The following CGNL1 variants were observed in gnomAD, a reference collection of about 807,000 sequenced individuals.
CGNL1 encodes cingulin-like protein 1.
Under a neutral mutation model 141.2 loss-of-function variants are expected in CGNL1, and 132 were observed. The observed-to-expected ratio is 0.93, with a 90% confidence interval of 0.81 to 1.08. The LOEUF (loss-of-function observed/expected upper bound fraction) is 1.08. Ranked by LOEUF, CGNL1 falls within the 50% of genes least tolerant of loss-of-function variation. CGNL1 has a pLI of 0.00. For missense variants in CGNL1, 1,870 were observed against 1,588.6 expected (o/e 1.18, Z -3.01); for synonymous variants, 690 against 622.1 (o/e 1.11, Z -1.63).
chr15:57,408,767 G>A (rs1217580178), intron 1 of CGNL1, among the ~76,000 whole-genome samples: 3 of 152,090 alleles, frequency 2.0e-5, no homozygotes, highest in African/African-American at 7.2e-5. Flanking sequence ...CAGACACAGT[G>A]GCTCATGCCT....
chr15:57,497,705 C>A (rs1413215698), intron 8 of CGNL1, among the ~76,000 whole-genome samples: 2 of 152,186 alleles, frequency 1.3e-5, no homozygotes, highest in Non-Finnish European at 2.9e-5. Context: ...AGGGGCAGGC[C>A]CTGCGGAATC....
chr15:57,512,004 G>A (rs770312757), intron 8 of CGNL1, among the ~76,000 whole-genome samples: 1 of 152,146 alleles, frequency 6.6e-6, no homozygotes, highest in Non-Finnish European at 1.5e-5. Context: ...GAAACATAAT[G>A]CCAGCAACTT....
Position 57,440,386 on chromosome 15 carries a change from G to A in CGNL1, c.1612G>A (p.Asp538Asn). The stretch of plus-strand genomic sequence containing the variant: ...AGGCCTTATGTTCCAGGCCACACCG[G>A]ATCTCTTAAAGGGCCAGCAAGAGCT... ...PSASNTQATP[D>N]LLKGQQELTQ... Residue 538 changes from aspartate to asparagine, a missense_variant, in exon 3 of 19, where the codon GAT (aspartate) becomes AAT (asparagine). Transcript: ENST00000281282. 1 of 1,599,678 alleles carries A rather than the reference G, an allele frequency of 6.3e-7. No individual in the cohort carries two copies. Among genetic ancestry groups the A allele is most frequent in the Non-Finnish European group, 8.5e-7 (1 of 1,172,242 alleles).
At chr15:57,388,202 C>T (rs2062504350) in intron 1 of CGNL1, among the ~76,000 whole-genome samples, 1 of 152,128 alleles carries the variant, frequency 6.6e-6, no homozygotes. Flanking sequence ...GGAGGAGGCT[C>T]TACTTTTTTC....
At chr15:57,472,815 G>T (rs1186905294) in intron 8 of CGNL1, among the ~76,000 whole-genome samples, 1 of 152,190 alleles carries the variant, frequency 6.6e-6, no homozygotes, top group Non-Finnish European at 1.5e-5. Flanking sequence ...CAGAAGTTTG[G>T]TATGCTGACG....
intron 8 of CGNL1, among the ~76,000 whole-genome samples, chr15:57,500,010 G>C (rs1192755018): frequency 1.3e-5 from 2 of 152,190 alleles, no homozygotes; most frequent in Non-Finnish European, 2.9e-5. Flanking sequence ...GGTCATTCTG[G>C]AAGATACCTG....
At chr15:57,459,555 C>T (rs756231833) in intron 7 of CGNL1, among the ~76,000 whole-genome samples, 19 of 152,046 alleles carry the variant, frequency 1.2e-4, no homozygotes, top group Non-Finnish European at 2.8e-4. Flanking sequence ...GGGAGAAGGG[C>T]ACTCCGGACT....
chr15:57,501,497 T>C (rs1375027726), intron 8 of CGNL1, among the ~76,000 whole-genome samples: 1 of 152,060 alleles, frequency 6.6e-6, no homozygotes, highest in African/African-American at 2.4e-5. Context: ...CCTGCGGCAA[T>C]GTGGGGAGTT....
intron 1 of CGNL1, among the ~76,000 whole-genome samples, chr15:57,426,900 A>T (rs1342814731): frequency 6.6e-6 from 1 of 152,148 alleles, no homozygotes; most frequent in Non-Finnish European, 1.5e-5. Context: ...TAGATCTGTG[A>T]TGCCAGGGAG....
chr15:57,459,115 C>G (rs1336046810), intron 7 of CGNL1, among the ~76,000 whole-genome samples: 3 of 152,154 alleles, frequency 2.0e-5, no homozygotes, highest in African/African-American at 7.2e-5. Flanking sequence ...GCCTTGGGTC[C>G]CCCGGTGGCA....
intron 8 of CGNL1, among the ~76,000 whole-genome samples, chr15:57,469,726 C>G (rs1229930903): frequency 6.6e-6 from 1 of 152,164 alleles, no homozygotes; most frequent in African/African-American, 2.4e-5. Context: ...TTCACCACCA[C>G]CCTCCAATTT....
intron 4 of CGNL1, among the ~76,000 whole-genome samples, chr15:57,445,319 T>C (rs2063237580): frequency 6.6e-6 from 1 of 152,182 alleles, no homozygotes; most frequent in Admixed American, 6.5e-5. Flanking sequence ...GAACCAAGAC[T>C]TTTAGACTTC....
In CGNL1 at chr15:57,501,198, G is replaced by A. The variant is rs149590156; in HGVS notation, c.2404-15582G>A. Among the ~76,000 whole-genome samples the A allele has an allele frequency of 3.4e-3, 512 of 152,306 alleles. 5 individuals are homozygous for A. The highest frequency in any genetic ancestry group is 0.011 in the African/African-American group (474 of 41,564). On this transcript the variant is annotated intron_variant, in intron 8 of 18. Coordinates refer to ENST00000281282, the MANE Select transcript of CGNL1 (RefSeq NM_032866.5). ...GGGCTCCTGGTGTGGTTTTCAGCCT[G>A]TGGGCTCTCAACTCTGGCTGCCTGG...
intron 1 of CGNL1, among the ~76,000 whole-genome samples, chr15:57,429,936 G>T (rs1333693706): frequency 6.6e-6 from 1 of 152,088 alleles, no homozygotes; most frequent in Non-Finnish European, 1.5e-5. Context: ...TCAGCCGCCT[G>T]AGTAGCTGGG....
At chr15:57,503,378 A>G (rs938674534) in intron 8 of CGNL1, among the ~76,000 whole-genome samples, 2 of 152,200 alleles carry the variant, frequency 1.3e-5, no homozygotes, top group Non-Finnish European at 2.9e-5. Context: ...GTACCCTGCC[A>G]GATGCAGTGC....
chr15:57,488,479 G>A (rs2063814496), intron 8 of CGNL1, among the ~76,000 whole-genome samples: 2 of 152,162 alleles, frequency 1.3e-5, no homozygotes, highest in Admixed American at 6.5e-5. Flanking sequence ...AGGTCATGAA[G>A]ACCTTCTCTT....
rs71116514 is a variant in CGNL1 at position 57,378,363 on chromosome 15, G to GTTTTTT, written c.-16+1826_-16+1831dup. Among the ~76,000 whole-genome samples, 86 of 33,924 alleles carry GTTTTTT rather than the reference G, an allele frequency of 2.5e-3. 19 individuals are homozygous for GTTTTTT. Among genetic ancestry groups the GTTTTTT allele is most frequent in the Non-Finnish European group, 3.0e-3 (54 of 18,096 alleles). 22.3% of individuals were successfully genotyped at this position (33,924 alleles called of 152,430 possible). Reference sequence around the variant, plus strand: ...TTTCTTAGGGGGTGGCCCTCTATGTGTTTTTTTTTTTTTTTTTTTTTTTTT... The same window carrying GTTTTTT: ...TTTCTTAGGGGGTGGCCCTCTATGTGTTTTTTTTTTTTTTTTTTTTTTTTTTTTTTT... On this transcript the variant is annotated intron_variant, in intron 1 of 18. Coordinates refer to ENST00000281282, the MANE Select transcript of CGNL1 (RefSeq NM_032866.5).
intron 1 of CGNL1, among the ~76,000 whole-genome samples, chr15:57,379,209 C>T (rs779559201): frequency 6.6e-6 from 1 of 152,062 alleles, no homozygotes; most frequent in African/African-American, 2.4e-5. Context: ...CCCTGAACAG[C>T]AATAGTTACA....
intron 4 of CGNL1, among the ~76,000 whole-genome samples, chr15:57,445,363 G>C (rs2063238094): frequency 6.6e-6 from 1 of 152,146 alleles, no homozygotes; most frequent in African/African-American, 2.4e-5. Flanking sequence ...CTGTTTAATT[G>C]CCACGTTTTC....
Sources: gnomAD v4.1 joint callset for allele counts (sites outside exome capture counted in the v4.1 genomes callset) on GRCh38, gnomAD v4.1.1 for gene constraint, MANE v1.5 for transcripts, NCBI Gene and HGNC (gene_info 2026-07-23, HGNC 2026-07-21) for gene names.